The following FGD5 variants were observed in gnomAD, a reference collection of about 807,000 sequenced individuals.
FGD5 encodes the protein FYVE, RhoGEF and PH domain containing 5, also known as FYVE, RhoGEF and PH domain-containing protein 5.
Under a neutral mutation model 133.4 loss-of-function variants are expected in FGD5, and 28 were observed. The ratio of observed to expected loss-of-function variants is 0.21; its 90% CI spans 0.16 to 0.29. FGD5 has a LOEUF of 0.29. Ranked by LOEUF, FGD5 falls within the 10% of genes least tolerant of loss-of-function variation. The pLI, the probability that FGD5 is intolerant of heterozygous loss-of-function variation, is 1.00. For missense variants in FGD5, 1,858 were observed against 1,895.2 expected (o/e 0.98, Z 0.36); for synonymous variants, 810 against 776.5 (o/e 1.04, Z -0.72).
At chr3:14,872,176 A>G (rs957325466) in intron 2 of FGD5, among the ~76,000 whole-genome samples, 1 of 152,248 alleles carries the variant, frequency 6.6e-6, no homozygotes, top group Non-Finnish European at 1.5e-5. Context: ...TGGGGAACTT[A>G]ACAGTTGAGT....
intron 4 of FGD5, among the ~76,000 whole-genome samples, chr3:14,896,301 T>G (rs6775335): frequency 0.74 from 112,500 of 152,036 alleles, 41,957 homozygotes; most frequent in African/African-American, 0.83. Flanking sequence ...GATTTATATG[T>G]AACCACAAAA....
Position 14,820,028 on chromosome 3 carries a change from G to T in FGD5, c.957G>T (p.Glu319Asp). 6.2e-7 allele frequency: 1 copy of T among 1,614,020 alleles called. No homozygotes were observed. The highest frequency in any genetic ancestry group is 8.5e-7 in the Non-Finnish European group (1 of 1,179,894). The change falls in exon 1 of 20, where the codon GAG (glutamate) becomes GAT (aspartate). Residue 319 changes from glutamate to aspartate, a missense_variant. By Grantham distance (45) the Glu-to-Asp change is conservative (BLOSUM62 2). This residue lies in a region of FGD5 where 1,824 missense variants were observed against 1,848.9 expected (regional missense o/e 0.99). Transcript: ENST00000285046. The stretch of plus-strand genomic sequence containing the variant: ...CCCTGGAGGACCATGCACAGGATGA[G>T]TCCGCCGAGGAGAGCTGCCAGATTG... ...AATLEDHAQDESAEESCQIVP... is the reference protein window; with the variant it reads ...AATLEDHAQDDSAEESCQIVP...
At chr3:14,915,901 T>C (rs2125149341) in intron 11 of FGD5, among the ~76,000 whole-genome samples, 1 of 152,330 alleles carries the variant, frequency 6.6e-6, no homozygotes, top group South Asian at 2.1e-4. Context: ...CTGGTTCATG[T>C]TGGCACCATG....
chr3:14,868,631 C>A (rs982968182), intron 2 of FGD5, among the ~76,000 whole-genome samples: 3 of 152,214 alleles, frequency 2.0e-5, no homozygotes, highest in Non-Finnish European at 4.4e-5. Context: ...TCTCCTGGGC[C>A]CCGGGGAAGG....
Position 14,819,461 on chromosome 3 carries a change from G to A in FGD5, c.390G>A (p.Ala130=), listed in dbSNP as rs773786266. Residue 130 remains alanine, a synonymous_variant, in exon 1 of 20, where the codon GCG becomes GCA. Coordinates refer to ENST00000285046, the MANE Select transcript of FGD5 (RefSeq NM_152536.4). The surrounding 1 kb of genome is among the most constrained non-coding windows in gnomAD (Gnocchi z 4.1). ...CCCCTGCTGCTCCGGGTGCAGGAGC[G>A]CTGAGCAGGGAGGGTGAGGAAGGCA... ...SVAPAAPGAG[A]LSREGEEGTD... 2.2e-5 allele frequency: 34 copies of A among 1,550,932 alleles called. 1 individual carries two copies. Among genetic ancestry groups the A allele is most frequent in the African/African-American group, 1.8e-4 (13 of 73,026 alleles).
In FGD5 at chr3:14,922,721, C is replaced by T. The variant is rs1449506145; in HGVS notation, c.3807+173C>T. Among the ~76,000 whole-genome samples the T allele has an allele frequency of 6.6e-6, 1 of 152,178 alleles. No individual in the cohort carries two copies. Among genetic ancestry groups the T allele is most frequent in the Non-Finnish European group, 1.5e-5 (1 of 68,036 alleles). On this transcript the variant is annotated intron_variant, in intron 15 of 19. Transcript: ENST00000285046. This position sits in a 1 kb window ranked among gnomAD's most constrained non-coding sequence, Gnocchi z 4.1. ...TGCTAATTCCCATTTTATAGATCAT[C>T]AAACCAGAGCTCCAAGTCCCAGGCC... is the stretch of plus-strand genomic sequence containing the variant.
At chr3:14,904,441 A>G (rs565233856) in intron 9 of FGD5, among the ~76,000 whole-genome samples, 9 of 152,060 alleles carry the variant, frequency 5.9e-5, no homozygotes, top group Non-Finnish European at 1.3e-4. Flanking sequence ...AGCTTTGGCT[A>G]TTGGGAGCGT....
chr3:14,837,568 G>A (rs896902583), intron 1 of FGD5, among the ~76,000 whole-genome samples: 1 of 152,156 alleles, frequency 6.6e-6, no homozygotes, highest in African/African-American at 2.4e-5. Flanking sequence ...TTGGCCTGAG[G>A]ACTACCGGGT....
Position 14,822,899 on chromosome 3 carries a change from A to G in FGD5, c.2525+1303A>G, listed in dbSNP as rs146054905. 1.9e-3 allele frequency among the ~76,000 whole-genome samples: 286 copies of G among 152,314 alleles called. 2 individuals carry two copies. Among genetic ancestry groups the G allele is most frequent in the African/African-American group, 6.6e-3 (275 of 41,562 alleles). ...TTAGCATTAGCTGTTGTTGGAGTAG[A>G]GCTGCTAGGAAGTGTTTGCATGGAT... On this transcript the variant is annotated intron_variant, in intron 1 of 19. Coordinates refer to ENST00000285046, the MANE Select transcript of FGD5 (RefSeq NM_152536.4).
chr3:14,908,057 C>A (rs977988280), intron 10 of FGD5, among the ~76,000 whole-genome samples: 2 of 152,278 alleles, frequency 1.3e-5, no homozygotes, highest in African/African-American at 2.4e-5. Flanking sequence ...CAAGAGCAAA[C>A]CCTTAGAAAT....
At chr3:14,910,570 A>C (rs2038428735) in intron 10 of FGD5, among the ~76,000 whole-genome samples, 1 of 152,136 alleles carries the variant, frequency 6.6e-6, no homozygotes, top group Non-Finnish European at 1.5e-5. Context: ...AGGATTTTAG[A>C]CTTCTGAGAT....
chr3:14,829,709 A>G (rs1244009464), intron 1 of FGD5, among the ~76,000 whole-genome samples: 1 of 152,180 alleles, frequency 6.6e-6, no homozygotes, highest in Non-Finnish European at 1.5e-5. Flanking sequence ...CGAGTAATGA[A>G]GTTGGGGGGA....
At chr3:14,930,080 C>T (rs959388690) in intron 18 of FGD5, among the ~76,000 whole-genome samples, 1 of 152,056 alleles carries the variant, frequency 6.6e-6, no homozygotes, top group African/African-American at 2.4e-5. Flanking sequence ...CCAGTTGTTC[C>T]AGCACCATTT....
At position 14,922,569 on chromosome 3, in the gene FGD5, TG is replaced by T; in HGVS notation, c.3807+22del. The T allele has an allele frequency of 6.4e-7, 1 of 1,565,530 alleles. No individual in the cohort carries two copies. On this transcript the variant is annotated intron_variant, in intron 15 of 19. Transcript: ENST00000285046. This position sits in a 1 kb window ranked among gnomAD's most constrained non-coding sequence, Gnocchi z 4.1. ...GCAAGGTGAGTCGCTGCATCTGGGG[TG>T]AGTGTGTGCATGGGGGTGGGGTGGG...
chr3:14,864,632 G>T (rs1230930658), intron 2 of FGD5, among the ~76,000 whole-genome samples: 1 of 152,222 alleles, frequency 6.6e-6, no homozygotes, highest in Non-Finnish European at 1.5e-5. Flanking sequence ...AATCATGAGG[G>T]TGAGATGTGT....
intron 4 of FGD5, among the ~76,000 whole-genome samples, chr3:14,893,255 A>G (rs758763798): frequency 1.1e-4 from 17 of 152,168 alleles, no homozygotes; most frequent in Non-Finnish European, 2.1e-4. Context: ...TGTAAAGAGC[A>G]AATCAGTGTA....
At chr3:14,888,769 G>A (rs1397272980) in intron 4 of FGD5, among the ~76,000 whole-genome samples, 1 of 152,216 alleles carries the variant, frequency 6.6e-6, no homozygotes, top group East Asian at 1.9e-4. Context: ...TCAGCAAGAT[G>A]TGTATTGGAT....
At chr3:14,921,635 G>A (rs1021678365) in intron 13 of FGD5, among the ~76,000 whole-genome samples, 1 of 152,202 alleles carries the variant, frequency 6.6e-6, no homozygotes, top group African/African-American at 2.4e-5. Context: ...TGTTGACAAT[G>A]TGGTTCCACG....
At chr3:14,882,204 T>C in intron 4 of FGD5, 2 of 758,716 alleles carry the variant, frequency 2.6e-6, no homozygotes, top group Non-Finnish European at 3.2e-6. Context: ...CCATTTTTTT[T>C]TTAACTTCTC....
Sources: allele counts gnomAD v4.1 joint callset (sites outside exome capture counted in the v4.1 genomes callset), GRCh38; gene constraint gnomAD v4.1.1; regional missense constraint gnomAD v4.1.1; non-coding constraint Gnocchi (gnomAD v3.1); transcripts MANE v1.5; gene names NCBI Gene and HGNC (gene_info 2026-07-23, HGNC 2026-07-21).